The following GIGYF2 variants were observed in gnomAD, a reference collection of about 807,000 sequenced individuals.
GIGYF2 encodes the protein GRB10 interacting GYF protein 2.
Under a neutral mutation model 208.1 loss-of-function variants are expected in GIGYF2, and 25 were observed. The ratio of observed to expected loss-of-function variants is 0.12; its 90% CI spans 0.09 to 0.17. GIGYF2 has a LOEUF of 0.17. GIGYF2 is among the 10% of genes least tolerant of loss of function. The pLI, the probability that GIGYF2 is intolerant of heterozygous loss-of-function variation, is 1.00. For missense variants in GIGYF2, 1,302 were observed against 1,579.4 expected (o/e 0.82, Z 2.98); for synonymous variants, 534 against 543.8 (o/e 0.98, Z 0.25).
At chr2:232,811,915 G>A (rs890054227) in intron 17 of GIGYF2, among the ~76,000 whole-genome samples, 16 of 152,156 alleles carry the variant, frequency 1.1e-4, no homozygotes, top group Non-Finnish European at 2.1e-4. Flanking sequence ...ATCCCATGAG[G>A]TAGGCAGTTT....
Position 232,761,440 on chromosome 2 carries a change from A to G in GIGYF2, c.532+4A>G. 5 of 1,572,206 alleles carry G rather than the reference A, an allele frequency of 3.2e-6. No homozygotes were observed. Among genetic ancestry groups the G allele is most frequent in the Non-Finnish European group, 4.4e-6 (5 of 1,142,386 alleles). ...AAACCAGGACGAAAAGATGTAGGTA[A>G]GGTTCTTACCTACACACATAAGGAT... On this transcript the variant is annotated splice_donor_region_variant and intron_variant, in intron 8 of 28. Coordinates refer to ENST00000373563, the MANE Select transcript of GIGYF2 (RefSeq NM_001103146.3).
intron 8 of GIGYF2, among the ~76,000 whole-genome samples, chr2:232,780,403 C>T (rs942971276): frequency 7.9e-5 from 12 of 152,064 alleles, no homozygotes; most frequent in Admixed American, 3.9e-4. Context: ...TTGCTTTTAA[C>T]GTAAGGACAT....
In GIGYF2 at chr2:232,787,300, A is replaced by T. The variant is rs1699947865; in HGVS notation, c.683A>T (p.Asp228Val). The change falls in exon 9 of 29, where the codon GAT becomes GTT. Residue 228 changes from aspartate (D) to valine (V), a missense_variant. This residue lies in a region of GIGYF2 where 189 missense variants were observed against 257.7 expected (regional missense o/e 0.73). Transcript: ENST00000373563. The stretch of plus-strand genomic sequence containing the variant: ...TGGCGACTAGCTGGATCAAGGAGGG[A>T]TGGAGAGAGGTGGCGACCTCACAGT... ...GGWRLAGSRR[D>V]GERWRPHSPD... is the part of the protein sequence containing the mutation. 1 of 1,613,954 alleles carries T rather than the reference A, an allele frequency of 6.2e-7. No homozygotes were observed. Among genetic ancestry groups the T allele is most frequent in the Non-Finnish European group, 8.5e-7 (1 of 1,180,000 alleles).
chr2:232,706,386 G>T (rs759900641), intron 2 of GIGYF2, among the ~76,000 whole-genome samples: 1 of 152,208 alleles, frequency 6.6e-6, no homozygotes, highest in East Asian at 1.9e-4. Flanking sequence ...GCTTACATCC[G>T]TAATCCCAGC....
rs1420200889 is a variant in GIGYF2, at chr2:232,791,424, C to G, written c.1260C>G (p.Ala420=). 1.2e-6 allele frequency: 2 copies of G among 1,613,720 alleles called. No individual in the cohort carries two copies. The highest frequency in any genetic ancestry group is 3.3e-5 in the Admixed American group (2 of 59,968). The change falls in exon 12 of 29, where the codon GCC becomes GCG. Residue 420 remains alanine (A), a synonymous_variant. Transcript: ENST00000373563. ...EETRMENSLP[A]KVPSRGDEMV... ...CTCGGATGGAAAATAGTCTACCAGC[C>G]AAAGTGCCCAGCAGAGGGGATGGTA... is the stretch of plus-strand genomic sequence containing the variant.
Position 232,856,789 on chromosome 2 carries a change from G to A in GIGYF2, c.3833-4G>A. Reference sequence around the variant, plus strand: ...GTCACTCATAGCCAGTTTTTTTTCTGCAGGATTTTCAGTCAATGCATCATC... The same window carrying A: ...GTCACTCATAGCCAGTTTTTTTTCTACAGGATTTTCAGTCAATGCATCATC... On this transcript the variant is annotated splice_polypyrimidine_tract_variant and splice_region_variant and intron_variant, in intron 28 of 28. Coordinates refer to ENST00000373563, the MANE Select transcript of GIGYF2 (RefSeq NM_001103146.3). 6.2e-7 allele frequency: 1 copy of A among 1,609,980 alleles called. No individual in the cohort carries two copies. Among genetic ancestry groups the A allele is most frequent in the East Asian group, 2.2e-5 (1 of 44,854 alleles).
chr2:232,818,659 TCTCA>T (rs1370236594), intron 20 of GIGYF2, among the ~76,000 whole-genome samples: 1 of 152,052 alleles, frequency 6.6e-6, no homozygotes, highest in African/African-American at 2.4e-5. Flanking sequence ...GGAGACAGAG[TCTCA>T]CTCTGTCACC....
rs114997724 is a variant in GIGYF2, at chr2:232,794,895, G to T, written c.1430G>T (p.Ser477Ile). The T allele has an allele frequency of 6.2e-7, 1 of 1,614,024 alleles. No individual in the cohort carries two copies. Among genetic ancestry groups the T allele is most frequent in the East Asian group, 2.2e-5 (1 of 44,880 alleles). ...TPVVGAPGMG[S>I]VSTEPDDEEG... ...GTTGTAGGTGCTCCTGGTATGGGCA[G>T]TGTTTCCACAGAACCTGATGATGAA... Residue 477 changes from serine (S) to isoleucine (I), a missense_variant, in exon 13 of 29, where the codon AGT (serine) becomes ATT (isoleucine). Ser to Ile is a moderately radical substitution (Grantham distance 142). This residue lies in a region of GIGYF2 where 235 missense variants were observed against 218.8 expected (regional missense o/e 1.07). Transcript: ENST00000373563.
At chr2:232,803,624 G>A (rs1164826575) in intron 14 of GIGYF2, among the ~76,000 whole-genome samples, 1 of 151,378 alleles carries the variant, frequency 6.6e-6, no homozygotes, top group Non-Finnish European at 1.5e-5. Context: ...ATTTAGTTAA[G>A]CATATTTGTG....
chr2:232,808,370 G>T lies in GIGYF2; in HGVS notation c.1807-1350G>T, dbSNP rs186675225. ...CATACTTGGAGTAGTCCACTTCCCA[G>T]TTTCCGGTTAGAGGAGCTGAGCCTC... On this transcript the variant is annotated intron_variant, in intron 15 of 28. Coordinates refer to ENST00000373563, the MANE Select transcript of GIGYF2 (RefSeq NM_001103146.3). Among the ~76,000 whole-genome samples the T allele has an allele frequency of 7.2e-5, 11 of 152,312 alleles. No individual in the cohort carries two copies. In the East Asian group the frequency reaches 2.1e-3, roughly 29 times the overall value.
intron 8 of GIGYF2, chr2:232,776,673 A>G (rs1237971989): frequency 5.4e-6 from 3 of 555,354 alleles, no homozygotes; most frequent in Admixed American, 3.1e-5. Flanking sequence ...AGCTCTGATC[A>G]TGTGGAAAAG....
In GIGYF2 at chr2:232,847,407, A is replaced by G. The variant is rs370897152; in HGVS notation, c.3520A>G (p.Ile1174Val). The G allele has an allele frequency of 1.9e-6, 3 of 1,613,242 alleles. No homozygotes were observed. Among genetic ancestry groups the G allele is most frequent in the Admixed American group, 1.7e-5 (1 of 59,976 alleles). Residue 1174 changes from isoleucine (I) to valine (V), a missense_variant, in exon 27 of 29, where the codon ATC (isoleucine) becomes GTC (valine). Transcript: ENST00000373563. ...ATCTCCTTATGAGGTCCATGATTAT[A>G]TCAGGGCCTATTTAGGAGATACTTC... The part of the protein sequence containing the change: ...VESPYEVHDY[I>V]RAYLGDTSEA...
chr2:232,825,451 G>A (rs1211428335), intron 21 of GIGYF2, among the ~76,000 whole-genome samples: 5 of 152,158 alleles, frequency 3.3e-5, no homozygotes, highest in South Asian at 4.2e-4. Context: ...AAGCAACTGC[G>A]GATGTGGTGG....
At chr2:232,815,037 G>A (rs1199943739) in intron 18 of GIGYF2, among the ~76,000 whole-genome samples, 2 of 152,178 alleles carry the variant, frequency 1.3e-5, no homozygotes, top group African/African-American at 4.8e-5. Context: ...GCAGGACCAG[G>A]TCTCACTTGT....
intron 22 of GIGYF2, among the ~76,000 whole-genome samples, chr2:232,838,691 G>C (rs1481670259): frequency 6.6e-6 from 1 of 152,098 alleles, no homozygotes; most frequent in African/African-American, 2.4e-5. Flanking sequence ...GAGATCTACT[G>C]CCTTACTTGA....
At chr2:232,723,069 A>G (rs1413168703) in intron 2 of GIGYF2, among the ~76,000 whole-genome samples, 2 of 152,090 alleles carry the variant, frequency 1.3e-5, no homozygotes, top group South Asian at 2.1e-4. Context: ...CAATCTGCCT[A>G]CCTCAGCGTC....
chr2:232,824,775 T>C (rs762403500), intron 21 of GIGYF2, among the ~76,000 whole-genome samples: 2 of 152,186 alleles, frequency 1.3e-5, no homozygotes, highest in Non-Finnish European at 2.9e-5. Flanking sequence ...TAGAAGATAT[T>C]ATCTAGGACT....
chr2:232,858,656 A>G lies in GIGYF2; in HGVS notation c.*1796A>G. 5 of 430,512 alleles carry G rather than the reference A, an allele frequency of 1.2e-5. No homozygotes were observed. The highest frequency in any genetic ancestry group is 1.9e-5 in the Non-Finnish European group (4 of 216,190). 26.7% of individuals were successfully genotyped at this position (430,512 alleles called of 1,614,324 possible). ...GAGTGCACCTCTTGTACTCACCTTTATGGAGGCTGAGTTCTGCACTAAACT... is the reference window on the plus strand; with the variant it reads ...GAGTGCACCTCTTGTACTCACCTTTGTGGAGGCTGAGTTCTGCACTAAACT... On this transcript the variant is annotated 3_prime_UTR_variant, in exon 29 of 29. Transcript: ENST00000373563.
intron 4 of GIGYF2, among the ~76,000 whole-genome samples, 156 bp downstream of exon 4, chr2:232,747,900 CAG>C (rs1472934184): frequency 6.6e-6 from 1 of 152,072 alleles, no homozygotes; most frequent in Non-Finnish European, 1.5e-5. Context: ...CAATAGTTAA[CAG>C]AGGATCTTCT....
Sources: gnomAD v4.1 joint callset for allele counts (sites outside exome capture counted in the v4.1 genomes callset) on GRCh38, gnomAD v4.1.1 for gene constraint, gnomAD v4.1.1 regional missense constraint, MANE v1.5 for transcripts, NCBI Gene and HGNC (gene_info 2026-07-23, HGNC 2026-07-21) for gene names.